ZFP28: variants seen among roughly 807,000 people sequenced by gnomAD.
ZFP28 encodes zinc finger protein 28 homolog.
A neutral mutation model predicts 39.5 loss-of-function variants in ZFP28; 31 were observed. The observed-to-expected ratio is 0.79, with a 90% CI of 0.59 to 1.06. The LOEUF (loss-of-function observed/expected upper bound fraction) is 1.06, where lower values mean the gene tolerates loss of function less well. Ranked by LOEUF, ZFP28 falls within the 50% of genes least tolerant of loss-of-function variation. ZFP28 has a pLI of 0.00. For synonymous variants in ZFP28, 400 were observed against 378.6 expected, an observed-to-expected ratio of 1.06 and a Z score of -0.66; for missense variants, 925 against 1,048.4, an observed-to-expected ratio of 0.88 and a Z score of 1.63.
chr19:56,554,834 C>T lies in ZFP28; in HGVS notation c.2049C>T (p.Ser683=), dbSNP rs1173764868. ...GCAAGGAATGCGGTAAAGCCTTCAG[C>T]CAGACCACACACCTCATTCAACATC... ...YECKECGKAF[S]QTTHLIQHQR... The change falls in exon 8 of 8, where the codon AGC becomes AGT. Residue 683 remains serine, a synonymous_variant. Transcript: ENST00000301318. This position sits in a 1 kb window ranked among gnomAD's most constrained non-coding sequence, Gnocchi z 6.7. 6.2e-7 allele frequency: 1 copy of T among 1,614,014 alleles called. No individual in the cohort carries two copies. The highest frequency in any genetic ancestry group is 1.3e-5 in the African/African-American group (1 of 74,896).
chr19:56,544,235 C>T (rs2044220830), intron 2 of ZFP28, among the ~76,000 whole-genome samples: 1 of 152,218 alleles, frequency 6.6e-6, no homozygotes, highest in Non-Finnish European at 1.5e-5. Context: ...CCGAACTGGG[C>T]AAATTATGGC....
rs779283799 is a variant in ZFP28 at position 56,555,221 on chromosome 19, TTATAAC to T, written c.2442_2447del (p.Asn814_Tyr815del). 2.2e-5 allele frequency: 36 copies of T among 1,614,036 alleles called. No homozygotes were observed. The highest frequency in any genetic ancestry group is 4.5e-5 in the East Asian group (2 of 44,888). On this transcript the variant is annotated inframe_deletion, in exon 8 of 8. Coordinates refer to ENST00000301318, the MANE Select transcript of ZFP28 (RefSeq NM_020828.2). ...AGAGAGTTCATACTGGAGAGAGATC[TTATAAC>T]TATAAGAAAAGCAGAAAAGTCTTCA...
At chr19:56,540,931 G>C (rs2147947597) in intron 2 of ZFP28, among the ~76,000 whole-genome samples, 1 of 151,894 alleles carries the variant, frequency 6.6e-6, no homozygotes, top group South Asian at 2.1e-4. Flanking sequence ...TCCGTGACTT[G>C]AACAGAGTGT....
At chr19:56,550,017 T>G in intron 5 of ZFP28, 50 bp from the exon 6 acceptor site, 11 of 1,476,996 alleles carry the variant, frequency 7.4e-6, no homozygotes, top group Non-Finnish European at 9.3e-6. Context: ...TGAGACCAGG[T>G]GAGTTCACGA....
rs61740017 is a variant in ZFP28, at chr19:56,554,744, G to A, written c.1959G>A (p.Ala653=). The A allele has an allele frequency of 2.1e-3, 3,464 of 1,614,028 alleles. 6 individuals are homozygous for A. Among genetic ancestry groups the A allele is most frequent in the Admixed American group, 3.4e-3 (203 of 60,014 alleles). Residue 653 remains alanine, a synonymous_variant, in exon 8 of 8, where the codon GCG becomes GCA. Transcript: ENST00000301318. The surrounding 1 kb of genome is among the most constrained non-coding windows in gnomAD (Gnocchi z 6.7). ...KPYECKVCSK[A]FTQKAHLAQH... ...ATGAATGTAAGGTTTGTAGTAAAGC[G>A]TTCACCCAGAAGGCTCACCTTGCAC... is the stretch of plus-strand genomic sequence containing the variant.
At chr19:56,553,063 T>G (rs2044319474) in intron 7 of ZFP28, 2 of 152,238 alleles carry the variant, frequency 1.3e-5, no homozygotes, top group Admixed American at 1.3e-4. Context: ...CAAAACATTT[T>G]ATACCTTAAA....
At chr19:56,544,159 C>T (rs1010583765) in intron 2 of ZFP28, among the ~76,000 whole-genome samples, 4 of 152,184 alleles carry the variant, frequency 2.6e-5, no homozygotes, top group East Asian at 1.9e-4. Flanking sequence ...GTCATCATGA[C>T]GGTTTTAGAA....
In ZFP28 at chr19:56,547,331, A is replaced by T; in HGVS notation, c.301-177A>T. 2 of 880,260 alleles carry T rather than the reference A, an allele frequency of 2.3e-6. No homozygotes were observed. Among genetic ancestry groups the T allele is most frequent in the Non-Finnish European group, 3.4e-6 (2 of 584,162 alleles). The allele number at this position is 880,260 out of a possible 1,614,324, so 54.5% of individuals were successfully genotyped here. On this transcript the variant is annotated intron_variant, in intron 2 of 7. Transcript: ENST00000301318. The surrounding 1 kb of genome is among the most constrained non-coding windows in gnomAD (Gnocchi z 4.6). ...GGGCCCCACCCATATGACCTCATTT[A>T]ACCCTAATTACCTCTTTGTAGGCCC...
chr19:56,552,098 T>G, intron 7 of ZFP28: 1 of 593,216 alleles, frequency 1.7e-6, no homozygotes, highest in Non-Finnish European at 2.1e-6. Flanking sequence ...TATATGAATA[T>G]ATATAATTTA....
chr19:56,543,682 G>T (rs1330468056), intron 2 of ZFP28, among the ~76,000 whole-genome samples: 4 of 152,188 alleles, frequency 2.6e-5, no homozygotes, highest in Non-Finnish European at 5.9e-5. Flanking sequence ...AACCCATTTT[G>T]AAGTCTGCAT....
At position 56,550,025 on chromosome 19, in the gene ZFP28, C is replaced by T. The variant is rs759881510; in HGVS notation, c.688-42C>T. 59 of 1,537,148 alleles carry T rather than the reference C, an allele frequency of 3.8e-5. 1 individual carries two copies. The Admixed American group carries it at 4.2e-4, about 11-fold the overall frequency. The stretch of plus-strand genomic sequence containing the variant: ...ATCCCACTGAGACCAGGTGAGTTCA[C>T]GAACATGGTTTGATTTAAAAAACGT... On this transcript the variant is annotated intron_variant, in intron 5 of 7. Transcript: ENST00000301318.
chr19:56,551,019 G>A (rs1016870157), intron 7 of ZFP28: 55 of 1,241,234 alleles, frequency 4.4e-5, no homozygotes, highest in Middle Eastern at 3.2e-4. Flanking sequence ...ATTGGCAGGC[G>A]ATTGGAAAAA....
Position 56,549,049 on chromosome 19 carries a change from C to T in ZFP28, c.615C>T (p.Leu205=), listed in dbSNP as rs571318169. ...CCCAGGCAGTGATAACAGAGAGACTCACAAGCTATAATCTGGAGTACTCTC... is the reference window on the plus strand; with the variant it reads ...CCCAGGCAGTGATAACAGAGAGACTTACAAGCTATAATCTGGAGTACTCTC... ...KLSQAVITER[L]TSYNLEYSLL... Residue 205 remains leucine (L), a synonymous_variant, in exon 5 of 8, where the codon CTC becomes CTT. Transcript: ENST00000301318. 387 of 1,614,126 alleles carry T rather than the reference C, an allele frequency of 2.4e-4. 3 individuals carry two copies. In the South Asian group the frequency reaches 4.0e-3, roughly 17 times the overall value.
In ZFP28 at chr19:56,541,055, C is replaced by A. The variant is rs140781587; in HGVS notation, c.300+1339C>A. On this transcript the variant is annotated intron_variant, in intron 2 of 7. Transcript: ENST00000301318. ...CCCACATGGTGGCTCCTCCCAGATT[C>A]ACATTGTGAGCCCAAACCTCTCCTC... 7.3e-3 allele frequency among the ~76,000 whole-genome samples: 1,105 copies of A among 152,284 alleles called. 12 individuals are homozygous for A. Among genetic ancestry groups the A allele is most frequent in the African/African-American group, 0.024 (1,017 of 41,534 alleles).
chr19:56,545,278 C>G (rs921846010), intron 2 of ZFP28, among the ~76,000 whole-genome samples: 2 of 152,172 alleles, frequency 1.3e-5, no homozygotes, highest in African/African-American at 4.8e-5. Context: ...TTGACTGATT[C>G]AACTCCCTCT....
chr19:56,549,094 T>G lies in ZFP28; in HGVS notation c.660T>G (p.Asp220Glu), dbSNP rs537240601. Residue 220 changes from aspartate to glutamate, a missense_variant, in exon 5 of 8, where the codon GAT (aspartate) becomes GAG (glutamate). By Grantham distance (45) the Asp-to-Glu change is conservative. Transcript: ENST00000301318. ...ACTCTCTGTTAGGGGAACACTGGGA[T>G]TATGATGCTCTGTTTGAGACACAGC... ...LEYSLLGEHW[D>E]YDALFETQPG... 6.2e-6 allele frequency: 10 copies of G among 1,612,250 alleles called. No individual in the cohort carries two copies. The highest frequency in any genetic ancestry group is 8.5e-6 in the Non-Finnish European group (10 of 1,179,328).
At position 56,550,150 on chromosome 19, in the gene ZFP28, A is replaced by G. The variant is rs2044284542; in HGVS notation, c.771A>G (p.Ile257Met). 1.2e-5 allele frequency: 19 copies of G among 1,612,784 alleles called. No homozygotes were observed. The highest frequency in any genetic ancestry group is 1.7e-5 in the Admixed American group (1 of 59,900). The part of the protein sequence containing the change: ...PAQKNFCKNG[I>M]WENNSDLGSA... ...AGAAGAATTTCTGTAAGAATGGGATATGGGAGAACAACAGTGACCTGGGAT... is the reference window on the plus strand; with the variant it reads ...AGAAGAATTTCTGTAAGAATGGGATGTGGGAGAACAACAGTGACCTGGGAT... The change falls in exon 6 of 8, where the codon ATA becomes ATG. Residue 257 changes from isoleucine to methionine, a missense_variant. Around this residue, in one of 2 missense-constraint regions of ZFP28, gnomAD observed 556 missense variants for 542.9 expected, o/e 1.02. Coordinates refer to ENST00000301318, the MANE Select transcript of ZFP28 (RefSeq NM_020828.2).
intron 2 of ZFP28, among the ~76,000 whole-genome samples, chr19:56,541,877 ATTTTTTTTTTTTTT>A (rs11297964): frequency 0.27 from 16,704 of 62,544 alleles, 1,631 homozygotes; most frequent in Middle Eastern, 0.38. Flanking sequence ...CACCTGGCTA[ATTTTTTTTTTTTTT>A]TTTTTTTTTT....
intron 1 of ZFP28, 58 bp downstream of exon 1, chr19:56,539,284 G>A: frequency 3.3e-6 from 5 of 1,500,398 alleles, no homozygotes; most frequent in Non-Finnish European, 4.5e-6. Flanking sequence ...CTCGGGATGA[G>A]ATCTGGGAGG....
Sources: allele counts gnomAD v4.1 joint callset (sites outside exome capture counted in the v4.1 genomes callset), GRCh38; gene constraint gnomAD v4.1.1; regional missense constraint gnomAD v4.1.1; non-coding constraint Gnocchi (gnomAD v3.1); transcripts MANE v1.5; gene names NCBI Gene and HGNC (gene_info 2026-07-23, HGNC 2026-07-21).